IKBIP: variants seen among roughly 807,000 people sequenced by gnomAD.
IKBIP encodes the protein IKBKB interacting protein.
A neutral mutation model predicts 31.0 loss-of-function variants in IKBIP; 28 were observed. The observed-to-expected ratio is 0.90, with a 90% CI of 0.67 to 1.24. The LOEUF (loss-of-function observed/expected upper bound fraction) is 1.24, where lower values mean the gene tolerates loss of function less well. Ranked by LOEUF, IKBIP falls within the 50% of genes most tolerant of loss-of-function variation. The probability of loss-of-function intolerance (pLI) is 0.00; values close to 1 mark genes in which losing one functional copy is unlikely to be tolerated. For missense variants in IKBIP, 453 were observed against 441.9 expected, an observed-to-expected ratio of 1.03 and a Z score of -0.23; for synonymous variants, 164 against 160.3, an observed-to-expected ratio of 1.02 and a Z score of -0.17.
At chr12:98,642,110 T>G (rs946009640) in intron 1 of IKBIP, among the ~76,000 whole-genome samples, 1 of 152,230 alleles carries the variant, frequency 6.6e-6, no homozygotes. Flanking sequence ...CCATAAAGTT[T>G]AGTTTTCTAT....
intron 1 of IKBIP, among the ~76,000 whole-genome samples, chr12:98,641,719 A>G (rs1411665916): frequency 6.6e-6 from 1 of 152,148 alleles, no homozygotes; most frequent in Non-Finnish European, 1.5e-5. Context: ...ACAGTGGTAT[A>G]ATCATGGGTT....
At chr12:98,618,409 A>G (rs913361336) in intron 2 of IKBIP, among the ~76,000 whole-genome samples, 9 of 151,406 alleles carry the variant, frequency 5.9e-5, no homozygotes, top group Non-Finnish European at 1.0e-4. Context: ...GGCGGATCAC[A>G]AGGTCAAGAG....
chr12:98,619,192 T>C (rs939392798), intron 2 of IKBIP, among the ~76,000 whole-genome samples: 2 of 152,250 alleles, frequency 1.3e-5, no homozygotes, highest in Admixed American at 6.5e-5. Flanking sequence ...AATCACATTT[T>C]ATTTTTAAGG....
At chr12:98,639,823 A>G (rs927828598) in intron 1 of IKBIP, among the ~76,000 whole-genome samples, 1 of 152,244 alleles carries the variant, frequency 6.6e-6, no homozygotes, top group Admixed American at 6.5e-5. Context: ...CAGGGCCACT[A>G]TTAGGGTCAG....
downstream of IKBIP, among the ~76,000 whole-genome samples, chr12:98,621,903 T>G (rs905346152): frequency 1.3e-5 from 2 of 151,646 alleles, no homozygotes; most frequent in Non-Finnish European, 2.9e-5. Context: ...TGGAGAAACC[T>G]CATCTCTACT....
chr12:98,626,600 A>T lies in IKBIP; in HGVS notation c.464T>A (p.Ile155Asn). Reference protein sequence around the residue: ...MQSLNEKFQNITDFWKRSLEE... With the variant: ...MQSLNEKFQNNTDFWKRSLEE... ...TAGGCTTCTCTTCCAGAAATCCGTA[A>T]TATTCTGAAATTTCTCATTAAGGCT... The change falls in exon 3 of 3, where the codon ATT (isoleucine) becomes AAT (asparagine). Residue 155 changes from isoleucine to asparagine, a missense_variant. Coordinates refer to ENST00000299157, the MANE Select transcript of IKBIP (RefSeq NM_153687.4). 1 of 1,613,718 alleles carries T rather than the reference A, an allele frequency of 6.2e-7. No individual in the cohort carries two copies. The highest frequency in any genetic ancestry group is 1.3e-5 in the African/African-American group (1 of 75,048).
intron 2 of IKBIP, among the ~76,000 whole-genome samples, chr12:98,626,985 T>A (rs1044582610): frequency 6.6e-6 from 1 of 152,180 alleles, no homozygotes; most frequent in African/African-American, 2.4e-5. Context: ...TTATTTATTT[T>A]TTAGACGGAA....
At chr12:98,614,705 A>G (rs764841243) in intron 2 of IKBIP, among the ~76,000 whole-genome samples, 5 of 152,182 alleles carry the variant, frequency 3.3e-5, no homozygotes, top group African/African-American at 4.8e-5. Context: ...GCCTGGGATT[A>G]CAGGCGTGAG....
intron 2 of IKBIP, among the ~76,000 whole-genome samples, chr12:98,618,369 G>A (rs2097607510): frequency 6.6e-6 from 1 of 152,008 alleles, no homozygotes; most frequent in South Asian, 2.1e-4. Flanking sequence ...GCTCACGCCT[G>A]TAATCCCAGC....
chr12:98,620,658 C>T (rs1180020033), downstream of IKBIP, among the ~76,000 whole-genome samples: 1 of 152,168 alleles, frequency 6.6e-6, no homozygotes, highest in Admixed American at 6.5e-5. Context: ...GGCCACTGCA[C>T]CCAGCTAGGT....
rs1565835698 is a variant in IKBIP, at chr12:98,613,930, T to A, written c.708A>T (p.Ser236=). 8.1e-6 allele frequency: 13 copies of A among 1,613,702 alleles called. No homozygotes were observed. The Admixed American group carries it at 2.2e-4, about 27-fold the overall frequency. Residue 236 remains serine, a synonymous_variant, in exon 3 of 3, where the codon TCA becomes TCT. Coordinates refer to the IKBIP transcript ENST00000342502. ...TCTTCTTAACAGAGTTAATTCTTTG[T>A]GAATTTTCAGATGCTGTCTTTCGGA...
downstream of IKBIP, among the ~76,000 whole-genome samples, chr12:98,620,312 C>G (rs573120064): frequency 1.7e-4 from 26 of 151,930 alleles, no homozygotes; most frequent in Admixed American, 2.6e-4. Flanking sequence ...ACAAGCACAG[C>G]AACATGGTTC....
At chr12:98,616,297 T>C (rs1416810161) in intron 2 of IKBIP, among the ~76,000 whole-genome samples, 2 of 152,212 alleles carry the variant, frequency 1.3e-5, no homozygotes, top group Non-Finnish European at 2.9e-5. Context: ...TGTCTTCTTT[T>C]GAGAAATGTC....
downstream of IKBIP, among the ~76,000 whole-genome samples, chr12:98,622,048 C>T (rs868143380): frequency 6.7e-6 from 1 of 148,548 alleles, no homozygotes; most frequent in Non-Finnish European, 1.5e-5. Context: ...TGCACTCCAG[C>T]CTGGGGACAG....
Position 98,626,065 on chromosome 12 carries a change from G to T in IKBIP, c.999C>A (p.Ser333Arg). ...KTLEGIQYDN[S>R]ILKMQNELDI... is the part of the protein sequence containing the mutation. ...CCAGTTCATTTTGCATCTTTAATATGCTATTATCATACTGAATTCCTTCAA... is the reference window on the plus strand; with the variant it reads ...CCAGTTCATTTTGCATCTTTAATATTCTATTATCATACTGAATTCCTTCAA... The change falls in exon 3 of 3, where the codon AGC (serine) becomes AGA (arginine). Residue 333 changes from serine to arginine, a missense_variant. Coordinates refer to ENST00000299157, the MANE Select transcript of IKBIP (RefSeq NM_153687.4). 1 of 1,592,704 alleles carries T rather than the reference G, an allele frequency of 6.3e-7. No individual in the cohort carries two copies. The highest frequency in any genetic ancestry group is 8.6e-7 in the Non-Finnish European group (1 of 1,168,056).
chr12:98,633,636 C>T (rs367783357), intron 2 of IKBIP, among the ~76,000 whole-genome samples: 1 of 150,416 alleles, frequency 6.6e-6, no homozygotes, highest in East Asian at 2.0e-4. Flanking sequence ...TCTGTCTCAG[C>T]CCCCCGAGTA....
At chr12:98,644,217 A>T (rs968882965) in intron 1 of IKBIP, among the ~76,000 whole-genome samples, 6 of 152,212 alleles carry the variant, frequency 3.9e-5, no homozygotes, top group Non-Finnish European at 8.8e-5. Flanking sequence ...TCTGACGTGT[A>T]GCGGGAGCTT....
At chr12:98,632,523 A>ATG (rs2097621702) in intron 2 of IKBIP, among the ~76,000 whole-genome samples, 1 of 67,052 alleles carries the variant, frequency 1.5e-5, no homozygotes, top group Admixed American at 1.8e-4. Flanking sequence ...ATATATATAT[A>ATG]TATATATATA....
chr12:98,622,853 C>G (rs550850012), downstream of IKBIP, among the ~76,000 whole-genome samples: 2 of 151,610 alleles, frequency 1.3e-5, no homozygotes, highest in South Asian at 4.2e-4. Context: ...TCAATAGTTT[C>G]TGATCATTAA....
Sources: allele counts gnomAD v4.1 joint callset (sites outside exome capture counted in the v4.1 genomes callset), GRCh38; gene constraint gnomAD v4.1.1; transcripts MANE v1.5; gene names NCBI Gene and HGNC (gene_info 2026-07-23, HGNC 2026-07-21).